MEGF10: variants seen among roughly 807,000 people sequenced by gnomAD.
The protein encoded by MEGF10 is multiple EGF like domains 10.
MEGF10 carries 86 observed loss-of-function variants against 147.5 expected under a neutral mutation model. The observed-to-expected ratio is 0.58, with a 90% confidence interval of 0.49 to 0.70. MEGF10 has a LOEUF of 0.70. Ranked by LOEUF, MEGF10 falls within the 30% of genes least tolerant of loss-of-function variation. The pLI, the probability that MEGF10 is intolerant of heterozygous loss-of-function variation, is 0.00. For synonymous variants in MEGF10, 478 were observed against 525.5 expected, an observed-to-expected ratio of 0.91 and a Z score of 1.24; for missense variants, 1,329 against 1,487.3, an observed-to-expected ratio of 0.89 and a Z score of 1.75.
At chr5:127,290,638 G>A (rs1759203263), upstream of MEGF10, among the ~76,000 whole-genome samples, 1 of 152,210 alleles carries the variant, frequency 6.6e-6, no homozygotes, top group Non-Finnish European at 1.5e-5. Context: ...AGTCAGGCCG[G>A]GAAGATCCTG....
chr5:127,436,957 A>T (rs1561646406), intron 16 of MEGF10, among the ~76,000 whole-genome samples: 2 of 152,188 alleles, frequency 1.3e-5, no homozygotes, highest in South Asian at 2.1e-4. Context: ...TGGGAAAATG[A>T]TTTTTTAAAG....
intron 2 of MEGF10, among the ~76,000 whole-genome samples, chr5:127,336,460 A>G (rs1761474141): frequency 6.6e-6 from 1 of 152,114 alleles, no homozygotes; most frequent in African/African-American, 2.4e-5. Flanking sequence ...TTAATAAAAG[A>G]GCTATTGGTG....
At chr5:127,337,730 T>C (rs1465210474) in intron 2 of MEGF10, among the ~76,000 whole-genome samples, 1 of 152,038 alleles carries the variant, frequency 6.6e-6, no homozygotes, top group African/African-American at 2.4e-5. Flanking sequence ...GGATGCTAAA[T>C]AAGAGGGGAT....
chr5:127,418,997 T>C, intron 10 of MEGF10, 123 bp from the exon 11 acceptor site: 1 of 1,218,132 alleles, frequency 8.2e-7, no homozygotes, highest in Admixed American at 2.5e-5. Flanking sequence ...ATTTTAAAAA[T>C]ACAGTGTGTT....
At chr5:127,264,155 A>G in the MEGF10 span, among the ~76,000 whole-genome samples, 2 of 152,158 alleles carry the variant, frequency 1.3e-5, no homozygotes, top group Non-Finnish European at 2.9e-5. Flanking sequence ...GTACTTTTTA[A>G]TGAACTACAG....
the MEGF10 span, among the ~76,000 whole-genome samples, chr5:127,247,453 A>G: frequency 0.15 from 10,509 of 71,078 alleles, 3,233 homozygotes; most frequent in Middle Eastern, 0.34. Context: ...GAAGAAGAAG[A>G]AGAAGAAGAA....
chr5:127,264,976 G>T, the MEGF10 span, among the ~76,000 whole-genome samples: 1 of 151,770 alleles, frequency 6.6e-6, no homozygotes, highest in Non-Finnish European at 1.5e-5. Flanking sequence ...GTGCAGGTTT[G>T]TTACATATGT....
At chr5:127,323,426 C>G (rs1285505885) in intron 1 of MEGF10, among the ~76,000 whole-genome samples, 1 of 152,100 alleles carries the variant, frequency 6.6e-6, no homozygotes, top group Non-Finnish European at 1.5e-5. Context: ...GAGGTTATGC[C>G]CCTTGGCACA....
chr5:127,384,437 A>G (rs1763359519), intron 5 of MEGF10, among the ~76,000 whole-genome samples: 1 of 152,246 alleles, frequency 6.6e-6, no homozygotes, highest in African/African-American at 2.4e-5. Flanking sequence ...TAATCCTCCC[A>G]AATTATGTAA....
At chr5:127,407,153 C>T (rs1360570791) in intron 8 of MEGF10, among the ~76,000 whole-genome samples, 4 of 152,152 alleles carry the variant, frequency 2.6e-5, no homozygotes, top group South Asian at 2.1e-4. Context: ...TGTCTAGGAG[C>T]GTGGAGATGT....
chr5:127,446,251 A>G (rs1765938670), intron 20 of MEGF10, among the ~76,000 whole-genome samples: 1 of 152,228 alleles, frequency 6.6e-6, no homozygotes, highest in Non-Finnish European at 1.5e-5. Context: ...AAGGAAAAAT[A>G]AAATTATAAT....
Position 127,396,643 on chromosome 5 carries a change from G to T in MEGF10, c.524G>T (p.Gly175Val). The T allele has an allele frequency of 6.2e-7, 1 of 1,614,086 alleles. No homozygotes were observed. The change falls in exon 6 of 25, where the codon GGC becomes GTC. Residue 175 changes from glycine to valine, a missense_variant. Gly to Val is a moderately radical substitution (Grantham distance 109, BLOSUM62 -3). Transcript: ENST00000503335. ...TGCCACTGTGCTGCGGGCTTCCGGG[G>T]CTGGCGCTGCGAGGACCGCTGTGAG... ...GACHCAAGFR[G>V]WRCEDRCEQG...
chr5:127,413,681 A>C (rs1764655229), intron 9 of MEGF10, among the ~76,000 whole-genome samples: 2 of 152,232 alleles, frequency 1.3e-5, no homozygotes, highest in Admixed American at 1.3e-4. Flanking sequence ...TTCAACCTCC[A>C]AACTGCTGCT....
At chr5:127,275,626 AC>A in the MEGF10 span, among the ~76,000 whole-genome samples, 1 of 152,158 alleles carries the variant, frequency 6.6e-6, no homozygotes, top group Non-Finnish European at 1.5e-5. Flanking sequence ...GACTAAAAAT[AC>A]CTCCAGAACT....
chr5:127,447,594 C>A lies in MEGF10; in HGVS notation c.2766C>A (p.Ser922Arg), dbSNP rs747572551. The A allele has an allele frequency of 2.5e-6, 4 of 1,614,016 alleles. No individual in the cohort carries two copies. Among genetic ancestry groups the A allele is most frequent in the Non-Finnish European group, 3.4e-6 (4 of 1,180,012 alleles). The stretch of plus-strand genomic sequence containing the variant: ...ACAGCAATGGTGGAAACGCTAATAG[C>A]CACTACTTCACCAATCCCAGTTACC... ...LPHSNGGNAN[S>R]HYFTNPSYHT... The change falls in exon 21 of 25, where the codon AGC (serine) becomes AGA (arginine). Residue 922 changes from serine (S) to arginine (R), a missense_variant. Transcript: ENST00000503335.
intron 5 of MEGF10, among the ~76,000 whole-genome samples, chr5:127,389,125 T>C (rs1763549412): frequency 6.6e-6 from 1 of 152,184 alleles, no homozygotes; most frequent in South Asian, 2.1e-4. Context: ...AGCCTTGGGT[T>C]TGAGTACTGA....
the MEGF10 span, among the ~76,000 whole-genome samples, chr5:127,280,075 T>C: frequency 6.6e-6 from 1 of 152,198 alleles, no homozygotes; most frequent in South Asian, 2.1e-4. Flanking sequence ...TATCCACTGT[T>C]TTCTTTCAAA....
chr5:127,308,173 TCTTAA>T (rs1383880705), intron 1 of MEGF10, among the ~76,000 whole-genome samples: 2 of 152,226 alleles, frequency 1.3e-5, no homozygotes, highest in Non-Finnish European at 2.9e-5. Flanking sequence ...TTTTTTGTAA[TCTTAA>T]CTTCATTAGC....
chr5:127,434,886 G>A lies in MEGF10; in HGVS notation c.1975+65G>A. The A allele has an allele frequency of 3.2e-6, 5 of 1,550,264 alleles. No homozygotes were observed. In the South Asian group the frequency reaches 6.1e-5, roughly 19 times the overall value. On this transcript the variant is annotated intron_variant, in intron 15 of 24. Transcript: ENST00000503335. ...GCACGCCCCGGAGAGTCTGTCCTCA[G>A]GCCTCCCCTTGGCCTTCCTGAAGGC...
Sources: allele counts gnomAD v4.1 joint callset (sites outside exome capture counted in the v4.1 genomes callset), GRCh38; gene constraint gnomAD v4.1.1; transcripts MANE v1.5; gene names NCBI Gene and HGNC (gene_info 2026-07-23, HGNC 2026-07-21).